Variants in IRAG2 observed in about 807,000 individuals in gnomAD.
The protein encoded by IRAG2 is lymphoid restricted membrane protein.
A neutral mutation model predicts 69.9 loss-of-function variants in IRAG2; 45 were observed. That is an observed-to-expected ratio of 0.64 (90% CI 0.51 to 0.83). The LOEUF (loss-of-function observed/expected upper bound fraction) is 0.83. Ranked by LOEUF, IRAG2 falls within the 40% of genes least tolerant of loss-of-function variation. The probability of loss-of-function intolerance (pLI) is 0.00; values close to 1 mark genes in which losing one functional copy is unlikely to be tolerated. For missense variants in IRAG2, 520 were observed against 587.0 expected, an observed-to-expected ratio of 0.89 and a Z score of 1.18; for synonymous variants, 193 against 202.4, an observed-to-expected ratio of 0.95 and a Z score of 0.40.
chr12:25,065,933 G>C (rs927515803), intron 4 of IRAG2, among the ~76,000 whole-genome samples: 27 of 152,226 alleles, frequency 1.8e-4, no homozygotes, highest in African/African-American at 6.0e-4. Context: ...GACTCCTAAA[G>C]TGCTGGGATT....
chr12:25,052,591 T>C, upstream of IRAG2: 1 of 397,306 alleles, frequency 2.5e-6, no homozygotes, highest in Non-Finnish European at 4.4e-6. Context: ...CAACTTGACA[T>C]ATCAGGACTT....
At chr12:25,042,827 G>T (rs578176221) in intron 16 of IRAG2, among the ~76,000 whole-genome samples, 29 of 152,062 alleles carry the variant, frequency 1.9e-4, no homozygotes, top group African/African-American at 6.8e-4. Flanking sequence ...CATAAAACAC[G>T]TTGTTATATT....
At chr12:25,041,535 G>T (rs1303343647) in intron 16 of IRAG2, among the ~76,000 whole-genome samples, 1 of 151,740 alleles carries the variant, frequency 6.6e-6, no homozygotes, top group African/African-American at 2.4e-5. Flanking sequence ...AGACTGGAGA[G>T]CAGTGGCACG....
chr12:25,053,743 A>G (rs1001221480), intron 1 of IRAG2, among the ~76,000 whole-genome samples: 1 of 151,492 alleles, frequency 6.6e-6, no homozygotes, highest in Non-Finnish European at 1.5e-5. Context: ...ATAGAAAGTT[A>G]CTTGGTTTGA....
chr12:25,046,126 A>G (rs375054661), intron 16 of IRAG2, among the ~76,000 whole-genome samples: 9 of 152,260 alleles, frequency 5.9e-5, no homozygotes, highest in African/African-American at 2.2e-4. Flanking sequence ...TTTTGTGATC[A>G]TCTCTATAGG....
chr12:25,013,482 AC>A (rs1944493770), intron 3 of IRAG2, among the ~76,000 whole-genome samples: 1 of 152,206 alleles, frequency 6.6e-6, no homozygotes, highest in Non-Finnish European at 1.5e-5. Flanking sequence ...TGTCTCCAAA[AC>A]AAAAACAAAA....
intron 3 of IRAG2, among the ~76,000 whole-genome samples, chr12:25,012,096 T>C (rs1443428085): frequency 6.7e-6 from 1 of 149,292 alleles, no homozygotes; most frequent in Non-Finnish European, 1.5e-5. Context: ...TCAGGTGCCC[T>C]TGGCAGATGC....
chr12:25,009,145 AT>A (rs1055006266), intron 2 of IRAG2, among the ~76,000 whole-genome samples: 1 of 152,134 alleles, frequency 6.6e-6, no homozygotes, highest in African/African-American at 2.4e-5. Flanking sequence ...TCTACAAAAA[AT>A]ATTTTAAAAA....
intron 14 of IRAG2, among the ~76,000 whole-genome samples, chr12:25,094,850 T>C (rs1423419400): frequency 1.3e-5 from 2 of 152,210 alleles, no homozygotes; most frequent in African/African-American, 4.8e-5. Context: ...GTAAAGGGAA[T>C]GGTTTTCTTA....
At chr12:25,004,287 C>A, upstream of IRAG2, 1 of 1,127,660 alleles carries the variant, frequency 8.9e-7, no homozygotes, top group Non-Finnish European at 1.1e-6. Context: ...AAACATGTAT[C>A]TACTTTTGCC....
At chr12:25,048,220 C>G (rs1252368752), upstream of IRAG2, among the ~76,000 whole-genome samples, 1 of 152,132 alleles carries the variant, frequency 6.6e-6, no homozygotes, top group Non-Finnish European at 1.5e-5. Context: ...TGATGTTGAG[C>G]TTTTTTTCAT....
intron 6 of IRAG2, among the ~76,000 whole-genome samples, chr12:25,076,205 T>C (rs1946681544): frequency 6.6e-6 from 1 of 152,240 alleles, no homozygotes; most frequent in Non-Finnish European, 1.5e-5. Context: ...TTACTGACTT[T>C]TACAAAGATG....
chr12:25,091,059 G>C (rs972515279), intron 14 of IRAG2: 9 of 172,434 alleles, frequency 5.2e-5, no homozygotes, highest in Admixed American at 1.9e-4. Context: ...GAGATGAGCT[G>C]GAAAATTAGT....
chr12:25,037,320 A>G (rs1944709266), intron 15 of IRAG2, among the ~76,000 whole-genome samples: 1 of 152,162 alleles, frequency 6.6e-6, no homozygotes, highest in African/African-American at 2.4e-5. Flanking sequence ...TTGTTTTTTA[A>G]AAAGGAATCT....
At chr12:25,014,593 TAG>T (rs146279192) in intron 3 of IRAG2, among the ~76,000 whole-genome samples, 8,056 of 152,254 alleles carry the variant, frequency 0.053, 361 homozygotes, top group East Asian at 0.2. Flanking sequence ...CAGTTCAAGC[TAG>T]AGTGTGTGTG....
chr12:25,002,608 A>C (rs1944399095), upstream of IRAG2, among the ~76,000 whole-genome samples: 2 of 151,228 alleles, frequency 1.3e-5, no homozygotes, highest in Admixed American at 6.6e-5. Flanking sequence ...TGTATTTTAG[A>C]CTTCACGTTG....
intron 16 of IRAG2, among the ~76,000 whole-genome samples, chr12:25,041,587 C>T (rs1042782960): frequency 6.6e-6 from 1 of 151,874 alleles, no homozygotes; most frequent in Non-Finnish European, 1.5e-5. Context: ...GTTCAACCTC[C>T]ACCTCCCGAG....
At chr12:25,097,654 G>T (rs1948501202) in intron 15 of IRAG2, 1 of 152,148 alleles carries the variant, frequency 6.6e-6, no homozygotes. Flanking sequence ...TTCTTAAGGA[G>T]AAATTTAATT....
intron 8 of IRAG2, among the ~76,000 whole-genome samples, chr12:25,026,310 G>A (rs1249099401): frequency 6.6e-6 from 1 of 152,190 alleles, no homozygotes; most frequent in Non-Finnish European, 1.5e-5. Flanking sequence ...ATCTGAAAGG[G>A]TGCTGGTGTG....
Sources: allele counts gnomAD v4.1 joint callset (sites outside exome capture counted in the v4.1 genomes callset), GRCh38; gene constraint gnomAD v4.1.1; transcripts MANE v1.5; gene names NCBI Gene and HGNC (gene_info 2026-07-23, HGNC 2026-07-21).